The following BRAP variants were observed in gnomAD, a reference collection of about 807,000 sequenced individuals.
BRAP encodes BRCA1 associated protein.
In BRAP, 42 loss-of-function variants were observed where a neutral mutation model predicts 73.4. That is an observed-to-expected ratio of 0.57 (90% CI 0.45 to 0.74). The LOEUF is 0.74. Ranked by LOEUF, BRAP falls within the 30% of genes least tolerant of loss-of-function variation. The pLI, the probability that BRAP is intolerant of heterozygous loss-of-function variation, is 0.00. For synonymous variants in BRAP, 255 were observed against 267.4 expected, an observed-to-expected ratio of 0.95 and a Z score of 0.45; for missense variants, 593 against 751.4, an observed-to-expected ratio of 0.79 and a Z score of 2.46.
intron 3 of BRAP, among the ~76,000 whole-genome samples, chr12:111,680,319 C>A (rs1887552069): frequency 6.6e-6 from 1 of 152,030 alleles, no homozygotes; most frequent in African/African-American, 2.4e-5. Flanking sequence ...GTTGAGATGG[C>A]TGGAATAGAG....
Position 111,683,414 on chromosome 12 carries a change from G to A in BRAP, c.83-107C>T. 5 of 1,313,834 alleles carry A rather than the reference G, an allele frequency of 3.8e-6. No individual in the cohort carries two copies. In the South Asian group the frequency reaches 7.3e-5, roughly 19 times the overall value. 81.4% of individuals were successfully genotyped at this position (1,313,834 alleles called of 1,614,324 possible). ...TTTTCTTTCTCCTGCCTTCCGCCAA[G>A]ATGATAAGAAGCCTTTGTAGTATCC... On this transcript the variant is annotated intron_variant, in intron 1 of 11. Coordinates refer to ENST00000419234, the MANE Select transcript of BRAP (RefSeq NM_006768.5).
In BRAP at chr12:111,658,792, A is replaced by G. The variant is rs1247673952; in HGVS notation, c.1165T>C (p.Tyr389His). The G allele has an allele frequency of 8.1e-6, 13 of 1,612,970 alleles. No individual in the cohort carries two copies. Among genetic ancestry groups the G allele is most frequent in the Admixed American group, 1.7e-5 (1 of 59,962 alleles). ...ASKTDGKIVQ[Y>H]ECEGDTCQEE... ...TGGCAAGTATCCCCCTCACATTCAT[A>G]CTGTACTATTTTTCCATCTGTTTTA... Residue 389 changes from tyrosine (Y) to histidine (H), a missense_variant, in exon 9 of 12, where the codon TAT (tyrosine) becomes CAT (histidine). Around this residue, in one of 4 missense-constraint regions of BRAP, gnomAD observed 143 missense variants for 190.4 expected, o/e 0.75. Transcript: ENST00000419234.
At chr12:111,662,645 C>T (rs919016124) in intron 6 of BRAP, among the ~76,000 whole-genome samples, 9 of 152,068 alleles carry the variant, frequency 5.9e-5, no homozygotes, top group African/African-American at 2.2e-4. Flanking sequence ...ACAGATGACA[C>T]AGCTCTATCT....
intron 4 of BRAP, 156 bp from the exon 5 acceptor site, chr12:111,672,930 G>A: frequency 1.7e-6 from 1 of 592,538 alleles, no homozygotes; most frequent in Non-Finnish European, 3.0e-6. Context: ...TACTGAAGCT[G>A]ATTGGTAGGC....
chr12:111,679,158 C>T lies in BRAP; in HGVS notation c.626G>A (p.Arg209His), dbSNP rs200710042. 5.1e-5 allele frequency: 79 copies of T among 1,547,204 alleles called. No homozygotes were observed. Among genetic ancestry groups the T allele is most frequent in the South Asian group, 3.8e-4 (30 of 79,856 alleles). Residue 209 changes from arginine to histidine, a missense_variant, in exon 4 of 12, where the codon CGT (arginine) becomes CAT (histidine). Around this residue, in one of 4 missense-constraint regions of BRAP, gnomAD observed 304 missense variants for 337.7 expected, o/e 0.90. Coordinates refer to ENST00000419234, the MANE Select transcript of BRAP (RefSeq NM_006768.5). ...AAATTTAATAACTTTTACCTGTGCA[C>T]GAAACTTTATCAGCACCATATATTG... ...PNQYMVLIKFRAQADADSFYM... is the reference protein window; with the variant it reads ...PNQYMVLIKFHAQADADSFYM...
chr12:111,657,001 AGTG>A (rs1340924722), intron 9 of BRAP, among the ~76,000 whole-genome samples: 2 of 152,146 alleles, frequency 1.3e-5, no homozygotes, highest in Non-Finnish European at 2.9e-5. Flanking sequence ...GCCCTCCTGA[AGTG>A]GTGGGATTAC....
In BRAP at chr12:111,672,698, A is replaced by G. The variant is rs755223844; in HGVS notation, c.710T>C (p.Val237Ala). 2.5e-6 allele frequency: 4 copies of G among 1,614,002 alleles called. No individual in the cohort carries two copies. Among genetic ancestry groups the G allele is most frequent in the East Asian group, 2.2e-5 (1 of 44,876 alleles). Reference sequence around the variant, plus strand: ...GAGCACTTCAGCTCTTTCCACATACACTAGCTGGCAAACGTCATCTTCTAT... The same window carrying G: ...GAGCACTTCAGCTCTTTCCACATACGCTAGCTGGCAAACGTCATCTTCTAT... ...NSIEDDVCQL[V>A]YVERAEVLKS... is the part of the protein sequence containing the mutation. The change falls in exon 5 of 12, where the codon GTG becomes GCG. Residue 237 changes from valine (V) to alanine (A), a missense_variant. Val to Ala is a moderately conservative substitution (Grantham distance 64). Coordinates refer to ENST00000419234, the MANE Select transcript of BRAP (RefSeq NM_006768.5).
intron 3 of BRAP, among the ~76,000 whole-genome samples, chr12:111,681,333 G>A (rs998574715): frequency 6.6e-6 from 1 of 151,242 alleles, no homozygotes; most frequent in Non-Finnish European, 1.5e-5. Context: ...TCGCGCCATT[G>A]CACTCCAGCC....
intron 6 of BRAP, among the ~76,000 whole-genome samples, chr12:111,661,539 A>G (rs1268568790): frequency 6.6e-6 from 1 of 151,968 alleles, no homozygotes; most frequent in Non-Finnish European, 1.5e-5. Context: ...TTGACCTCCC[A>G]AAGTACTGGG....
Position 111,665,845 on chromosome 12 carries a change from TC to T in BRAP, c.748-59del. ...TCATCTACCAGCAATACTTTATTTT[TC>T]CTTCTTTTTTCTGAGACAGGGTCTC... On this transcript the variant is annotated intron_variant, in intron 5 of 11. Transcript: ENST00000419234. The surrounding 1 kb of genome is among the most constrained non-coding windows in gnomAD (Gnocchi z 4.3). The T allele has an allele frequency of 1.6e-5, 26 of 1,604,208 alleles. No individual in the cohort carries two copies. The highest frequency in any genetic ancestry group is 2.2e-5 in the Non-Finnish European group (26 of 1,172,126).
chr12:111,679,997 T>C (rs564911776), intron 3 of BRAP, among the ~76,000 whole-genome samples: 2 of 152,072 alleles, frequency 1.3e-5, no homozygotes, highest in African/African-American at 2.4e-5. Context: ...TTCTGTCTTT[T>C]TTTTTTTCAG....
intron 5 of BRAP, among the ~76,000 whole-genome samples, chr12:111,668,751 G>C (rs1266746163): frequency 1.3e-5 from 2 of 151,878 alleles, no homozygotes; most frequent in African/African-American, 4.8e-5. Flanking sequence ...CCGCCTCCCG[G>C]GTTCACGCCA....
Position 111,644,306 on chromosome 12 carries a change from G to T in BRAP, c.1672C>A (p.Gln558Lys), listed in dbSNP as rs139764163. The T allele has an allele frequency of 5.0e-4, 815 of 1,614,130 alleles. 3 individuals carry two copies. Among genetic ancestry groups the T allele is most frequent in the Non-Finnish European group, 1.7e-4 (202 of 1,180,036 alleles). ...HLPAETRQEI[Q>K]EGQINIAMAS... ...ATGGCGATGTTGATCTGTCCCTCCTGGATTTCCTGCCGGGTCTCGGCAGGC... is the reference window on the plus strand; with the variant it reads ...ATGGCGATGTTGATCTGTCCCTCCTTGATTTCCTGCCGGGTCTCGGCAGGC... Residue 558 changes from glutamine (Q) to lysine (K), a missense_variant, in exon 12 of 12, where the codon CAG becomes AAG. Transcript: ENST00000419234.
chr12:111,681,735 TG>T lies in BRAP; in HGVS notation c.344del (p.Pro115GlnfsTer23), dbSNP rs780007191. 6.2e-7 allele frequency: 1 copy of T among 1,614,134 alleles called. No individual in the cohort carries two copies. Among genetic ancestry groups the T allele is most frequent in the Admixed American group, 1.7e-5 (1 of 60,012 alleles). On this transcript the variant is annotated frameshift_variant, in exon 3 of 12. Coordinates refer to ENST00000419234, the MANE Select transcript of BRAP (RefSeq NM_006768.5). LOFTEE classifies it high-confidence loss of function. The part of the protein sequence containing the change: ...DHSKECINAA[P>X]DSPSKQLPDQ... ...CTGGAAGCTGTTTGGACGGAGAATC[TG>T]GGGCAGCGTTTATGCATTCCTTACT...
At chr12:111,660,765 C>G in intron 6 of BRAP, 90 bp from the exon 7 acceptor site, 2 of 1,003,212 alleles carry the variant, frequency 2.0e-6, no homozygotes, top group South Asian at 3.6e-5. Context: ...ATTTTATATC[C>G]TCCTCCTCTT....
At chr12:111,674,179 T>C (rs956275249) in intron 4 of BRAP, among the ~76,000 whole-genome samples, 1 of 152,154 alleles carries the variant, frequency 6.6e-6, no homozygotes, top group Non-Finnish European at 1.5e-5. Context: ...CACTGTAAGC[T>C]TCTCGATAGC....
intron 1 of BRAP, 178 bp downstream of exon 1, chr12:111,685,533 T>G: frequency 7.6e-7 from 1 of 1,321,216 alleles, no homozygotes; most frequent in Non-Finnish European, 9.8e-7. Flanking sequence ...TTCCCTGAGA[T>G]AACAAACGGG....
intron 4 of BRAP, among the ~76,000 whole-genome samples, chr12:111,674,240 T>TC (rs1413056021): frequency 6.6e-6 from 1 of 150,764 alleles, no homozygotes; most frequent in Non-Finnish European, 1.5e-5. Flanking sequence ...TACTTATGCT[T>TC]CCCCCCCACC....
intron 4 of BRAP, 93 bp downstream of exon 4, chr12:111,679,058 G>T (rs1592997539): frequency 1.1e-6 from 1 of 900,864 alleles, no homozygotes; most frequent in Non-Finnish European, 1.5e-6. Flanking sequence ...AATCTTAAGT[G>T]CAAAATGTTG....
Sources: allele counts gnomAD v4.1 joint callset (sites outside exome capture counted in the v4.1 genomes callset), GRCh38; gene constraint gnomAD v4.1.1; regional missense constraint gnomAD v4.1.1; non-coding constraint Gnocchi (gnomAD v3.1); transcripts MANE v1.5; gene names NCBI Gene and HGNC (gene_info 2026-07-23, HGNC 2026-07-21).